The following VPS13D variants were observed in gnomAD, a reference collection of about 807,000 sequenced individuals.
VPS13D encodes the protein vacuolar protein sorting 13 homolog D.
In VPS13D, 187 loss-of-function variants were observed where a neutral mutation model predicts 461.9. That is an observed-to-expected ratio of 0.40 (90% CI 0.36 to 0.46). The LOEUF (loss-of-function observed/expected upper bound fraction) is 0.46, where lower values mean the gene tolerates loss of function less well. Among genes scored for constraint, VPS13D ranks in the 20% least tolerant of loss-of-function variants. The pLI, the probability that VPS13D is intolerant of heterozygous loss-of-function variation, is 0.60. For synonymous variants in VPS13D, 1,951 were observed against 1,986.3 expected (o/e 0.98, Z 0.47); for missense variants, 4,711 against 5,364.9 (o/e 0.88, Z 3.81).
intron 26 of VPS13D, 36 bp from the exon 27 acceptor site, chr1:12,308,395 T>C: frequency 6.2e-7 from 1 of 1,611,910 alleles, no homozygotes; most frequent in South Asian, 1.1e-5. Context: ...TGGGTCCCCT[T>C]TTCTTCATTA....
At chr1:12,329,681 G>T in intron 36 of VPS13D, 148 bp from the exon 37 acceptor site, 1 of 614,470 alleles carries the variant, frequency 1.6e-6, no homozygotes, top group Non-Finnish European at 2.9e-6. Flanking sequence ...AAAAATTGAT[G>T]CAAAAAAGTA....
At chr1:12,361,375 A>ATT (rs1318236116) in intron 50 of VPS13D, among the ~76,000 whole-genome samples, 59 of 137,868 alleles carry the variant, frequency 4.3e-4, no homozygotes, top group African/African-American at 1.5e-3. Context: ...TTTTATTTTT[A>ATT]TTTATTTATT....
chr1:12,403,171 T>C (rs181421775), intron 62 of VPS13D, among the ~76,000 whole-genome samples: 2 of 152,262 alleles, frequency 1.3e-5, no homozygotes, highest in Non-Finnish European at 2.9e-5. Context: ...TGCTGCCCAG[T>C]TGGATGTGCA....
chr1:12,286,878 T>C lies in VPS13D; in HGVS notation c.5635-1345T>C, dbSNP rs112836171. On this transcript the variant is annotated intron_variant, in intron 21 of 69. Coordinates refer to ENST00000620676, the MANE Select transcript of VPS13D (RefSeq NM_015378.4). ...TTTCATTATTTTTATTTTATCTTTT[T>C]GAGACAGGGTCTTGCCCTATCACCC... 8.8e-3 allele frequency among the ~76,000 whole-genome samples: 1,335 copies of C among 152,316 alleles called. 16 individuals carry two copies. Among genetic ancestry groups the C allele is most frequent in the African/African-American group, 0.031 (1,273 of 41,572 alleles).
rs369974244 is a variant in VPS13D, at chr1:12,507,891, G to A, written c.13035+798G>A. 6.6e-6 allele frequency among the ~76,000 whole-genome samples: 1 copy of A among 152,204 alleles called. No homozygotes were observed. Among genetic ancestry groups the A allele is most frequent in the East Asian group, 1.9e-4 (1 of 5,200 alleles). ...GTGTTAGTCCTGCTCATTCTCACCC[G>A]GCATACCCGGATTTTGAAGCTTGCA... On this transcript the variant is annotated intron_variant, in intron 69 of 69. Coordinates refer to ENST00000620676, the MANE Select transcript of VPS13D (RefSeq NM_015378.4). The surrounding 1 kb of genome is among the most constrained non-coding windows in gnomAD (Gnocchi z 5.3).
At chr1:12,374,514 T>G (rs1020514381) in intron 55 of VPS13D, among the ~76,000 whole-genome samples, 6 of 152,216 alleles carry the variant, frequency 3.9e-5, no homozygotes, top group Non-Finnish European at 8.8e-5. Context: ...TGCAGTTGAT[T>G]AAGAAGGTGT....
chr1:12,311,814 C>T lies in VPS13D; in HGVS notation c.6824C>T (p.Thr2275Ile). 6.2e-7 allele frequency: 1 copy of T among 1,612,992 alleles called. No individual in the cohort carries two copies. Among genetic ancestry groups the T allele is most frequent in the Non-Finnish European group, 8.5e-7 (1 of 1,179,420 alleles). ...PYDLQDPRIH[T>I]VLSGEVYTCM... is the part of the protein sequence containing the mutation. ...TTGACGAGCATTTTCCTTTTGTAGA[C>T]TGTCCTGAGTGGAGAAGTGTACACC... is the stretch of plus-strand genomic sequence containing the variant. Residue 2275 changes from threonine (T) to isoleucine (I), a missense_variant and splice_region_variant, in exon 29 of 70, where the codon ACT becomes ATT. Around this residue, in one of 3 missense-constraint regions of VPS13D, gnomAD observed 4,411 missense variants for 4,937.8 expected, o/e 0.89. Coordinates refer to ENST00000620676, the MANE Select transcript of VPS13D (RefSeq NM_015378.4).
In VPS13D at chr1:12,308,558, T is replaced by C. The variant is rs1469377723; in HGVS notation, c.6567T>C (p.Pro2189=). 17 of 1,613,668 alleles carry C rather than the reference T, an allele frequency of 1.1e-5. No homozygotes were observed. The highest frequency in any genetic ancestry group is 1.4e-5 in the Non-Finnish European group (17 of 1,179,870). Residue 2189 remains proline, a synonymous_variant, in exon 27 of 70, where the codon CCT becomes CCC. Coordinates refer to ENST00000620676, the MANE Select transcript of VPS13D (RefSeq NM_015378.4). ...PEDSSGDLIF[P]SYFVRQTGGS... ...ATAGTAGTGGAGATCTGATCTTCCC[T>C]TCCTATTTTGTGCGACAGACAGGAG...
intron 29 of VPS13D, among the ~76,000 whole-genome samples, chr1:12,312,913 C>T (rs1255012798): frequency 6.6e-6 from 1 of 152,178 alleles, no homozygotes; most frequent in Non-Finnish European, 1.5e-5. Context: ...CATATGCTTA[C>T]CTAGTCCTTC....
intron 40 of VPS13D, 117 bp downstream of exon 40, chr1:12,338,422 C>T: frequency 1.2e-6 from 1 of 829,018 alleles, no homozygotes; most frequent in Non-Finnish European, 2.0e-6. Context: ...GTCGTGAGTA[C>T]TTTAGTAATA....
intron 10 of VPS13D, among the ~76,000 whole-genome samples, chr1:12,259,088 C>T (rs1205763947): frequency 1.3e-5 from 2 of 150,858 alleles, no homozygotes; most frequent in Non-Finnish European, 2.9e-5. Context: ...ATTGCCTAGG[C>T]TGGAATACAG....
At chr1:12,457,806 G>T (rs542770506) in intron 66 of VPS13D, among the ~76,000 whole-genome samples, 1 of 152,198 alleles carries the variant, frequency 6.6e-6, no homozygotes, top group East Asian at 1.9e-4. Context: ...CTAAGGAGAC[G>T]TCAGGCCAGA....
intron 67 of VPS13D, among the ~76,000 whole-genome samples, chr1:12,477,611 A>T (rs1240146839): frequency 1.3e-5 from 2 of 152,176 alleles, no homozygotes; most frequent in African/African-American, 2.4e-5. Context: ...AACACTTTGG[A>T]TGCTAATCAG....
intron 22 of VPS13D, among the ~76,000 whole-genome samples, chr1:12,289,062 G>A (rs185008310): frequency 2.0e-5 from 3 of 151,944 alleles, no homozygotes; most frequent in Admixed American, 1.3e-4. Flanking sequence ...GGCTATTCTC[G>A]AACTCCTGAC....
chr1:12,500,310 A>G, intron 68 of VPS13D: 1 of 864,080 alleles, frequency 1.2e-6, no homozygotes, highest in Non-Finnish European at 1.4e-6. Context: ...ATTGCTTCCC[A>G]TCTTTCTCAG....
At chr1:12,315,822 CT>C (rs200458982) in intron 30 of VPS13D, among the ~76,000 whole-genome samples, 70 of 145,818 alleles carry the variant, frequency 4.8e-4, no homozygotes, top group East Asian at 5.9e-4. Flanking sequence ...AGAAACATTT[CT>C]TTTTTTTTTT....
intron 67 of VPS13D, among the ~76,000 whole-genome samples, chr1:12,487,589 C>A (rs1409216726): frequency 6.7e-6 from 1 of 149,192 alleles, no homozygotes; most frequent in Non-Finnish European, 1.5e-5. Flanking sequence ...GCAGCCTGGG[C>A]GACAGAGCGA....
At chr1:12,417,356 G>T (rs1644807416) in intron 65 of VPS13D, among the ~76,000 whole-genome samples, 1 of 152,116 alleles carries the variant, frequency 6.6e-6, no homozygotes, top group African/African-American at 2.4e-5. Context: ...CTTAATTCGT[G>T]GACATTTTCT....
chr1:12,497,471 C>G, intron 67 of VPS13D, 29 bp from the exon 68 acceptor site: 1 of 1,600,046 alleles, frequency 6.2e-7, no homozygotes, highest in Non-Finnish European at 8.5e-7. Flanking sequence ...CACTTAACCT[C>G]TTGGCTTTAT....
Sources: allele counts gnomAD v4.1 joint callset (sites outside exome capture counted in the v4.1 genomes callset), GRCh38; gene constraint gnomAD v4.1.1; regional missense constraint gnomAD v4.1.1; non-coding constraint Gnocchi (gnomAD v3.1); transcripts MANE v1.5; gene names NCBI Gene and HGNC (gene_info 2026-07-23, HGNC 2026-07-21).